Variants in TWIST2 observed in about 807,000 individuals in gnomAD.
TWIST2 encodes the protein twist-related protein 2.
Under a neutral mutation model 11.6 loss-of-function variants are expected in TWIST2, and 1 was observed. The observed-to-expected ratio is 0.09, with a 90% CI of 0.03 to 0.41. The LOEUF (loss-of-function observed/expected upper bound fraction) is 0.41. Among genes scored for constraint, TWIST2 ranks in the 10% least tolerant of loss-of-function variants. The pLI, the probability that TWIST2 is intolerant of heterozygous loss-of-function variation, is 0.98. For missense variants in TWIST2, 168 were observed against 226.4 expected (o/e 0.74, Z 1.66); for synonymous variants, 87 against 96.6 (o/e 0.90, Z 0.58).
intron 1 of TWIST2, among the ~76,000 whole-genome samples, chr2:238,900,546 A>G (rs1343647279): frequency 4.6e-5 from 7 of 152,248 alleles, no homozygotes; most frequent in African/African-American, 1.7e-4. Flanking sequence ...CTTTGGACAG[A>G]AGGCATTTCT....
intron 1 of TWIST2, among the ~76,000 whole-genome samples, chr2:238,899,626 A>G (rs1236960527): frequency 3.3e-5 from 5 of 152,212 alleles, no homozygotes; most frequent in African/African-American, 1.2e-4. Flanking sequence ...CTCTGTGCCC[A>G]TCCCGGCATG....
chr2:238,866,017 C>G lies in TWIST2; in HGVS notation c.*35+17284C>G, dbSNP rs1692524035. On this transcript the variant is annotated intron_variant, in intron 1 of 1. Coordinates refer to ENST00000612363, the MANE Select transcript of TWIST2 (RefSeq NM_001271893.4). This position sits in a 1 kb window ranked among gnomAD's most constrained non-coding sequence, Gnocchi z 4.9. ...GTGTGGTTAGCCTGGGGTACCTTTC[C>G]CAGTCACTGATCTGACTCCGTCGCT... Among the ~76,000 whole-genome samples the G allele has an allele frequency of 1.3e-5, 2 of 152,210 alleles. No individual in the cohort carries two copies.
chr2:238,862,242 T>C (rs942118893), intron 1 of TWIST2, among the ~76,000 whole-genome samples: 5 of 152,218 alleles, frequency 3.3e-5, no homozygotes, highest in Admixed American at 3.3e-4. Flanking sequence ...AAATAATAAC[T>C]CACTAAATTA....
intron 1 of TWIST2, among the ~76,000 whole-genome samples, chr2:238,904,555 G>A (rs1693319226): frequency 6.6e-6 from 1 of 151,888 alleles, no homozygotes; most frequent in Admixed American, 6.6e-5. Context: ...TGCCATGCTG[G>A]TTCTGACTGT....
chr2:238,888,906 ACCAATGACTGT>A (rs960305956), intron 1 of TWIST2, among the ~76,000 whole-genome samples: 2 of 152,208 alleles, frequency 1.3e-5, no homozygotes, highest in Non-Finnish European at 2.9e-5. Flanking sequence ...TGAGATTCCC[ACCAATGACTGT>A]CCAATGACTG....
At chr2:238,905,138 C>T (rs988771191) in intron 1 of TWIST2, among the ~76,000 whole-genome samples, 3 of 152,138 alleles carry the variant, frequency 2.0e-5, no homozygotes, top group Non-Finnish European at 2.9e-5. Flanking sequence ...CCTCCCTAGC[C>T]TTTTCCGTAA....
chr2:238,850,121 G>A (rs1263933299), intron 1 of TWIST2, among the ~76,000 whole-genome samples: 5 of 152,124 alleles, frequency 3.3e-5, no homozygotes. Context: ...CATTTTTTTA[G>A]CTTTTATTTT....
At chr2:238,877,582 CAA>C (rs1408309035) in intron 1 of TWIST2, among the ~76,000 whole-genome samples, 6 of 152,034 alleles carry the variant, frequency 3.9e-5, no homozygotes, top group Admixed American at 1.3e-4. Flanking sequence ...TTCACACAAA[CAA>C]AAATATTTAT....
chr2:238,896,176 G>A (rs965624083), intron 1 of TWIST2, among the ~76,000 whole-genome samples: 10 of 152,180 alleles, frequency 6.6e-5, no homozygotes, highest in Non-Finnish European at 1.5e-4. Context: ...TCCGGAAGAC[G>A]GCTCCGCAGT....
chr2:238,894,583 T>A (rs1490351798), intron 1 of TWIST2, among the ~76,000 whole-genome samples: 5 of 152,240 alleles, frequency 3.3e-5, no homozygotes. Context: ...ATGGTGTCTG[T>A]GGCCCCCCAA....
intron 1 of TWIST2, among the ~76,000 whole-genome samples, chr2:238,895,896 ACTC>A (rs1250363998): frequency 6.6e-6 from 1 of 151,582 alleles, no homozygotes; most frequent in Admixed American, 6.6e-5. Flanking sequence ...CCTTGGGCTG[ACTC>A]CTCCTTGCCA....
At chr2:238,898,049 T>C (rs1693225201) in intron 1 of TWIST2, among the ~76,000 whole-genome samples, 1 of 152,206 alleles carries the variant, frequency 6.6e-6, no homozygotes, top group African/African-American at 2.4e-5. Context: ...CAGGCCCTCC[T>C]GCCTGCCTGA....
At chr2:238,897,170 G>A in intron 1 of TWIST2, among the ~76,000 whole-genome samples, 1 of 152,200 alleles carries the variant, frequency 6.6e-6, no homozygotes, top group South Asian at 2.1e-4. Context: ...TTTGAAAGTC[G>A]CTGTCAGGGA....
Position 238,859,571 on chromosome 2 carries a change from A to T in TWIST2, c.*35+10838A>T, listed in dbSNP as rs1692393268. 1.6e-5 allele frequency among the ~76,000 whole-genome samples: 2 copies of T among 123,326 alleles called. 1 individual carries two copies. The highest frequency in any genetic ancestry group is 5.6e-4 in the South Asian group (2 of 3,554). The allele number at this position is 123,326 out of a possible 152,430, so 80.9% of individuals were successfully genotyped here. ...ATATTGTATGTATCTTACTACTATC[A>T]CCAAAAAAAAAAAAAATCCTACTTC... On this transcript the variant is annotated intron_variant, in intron 1 of 1. Coordinates refer to ENST00000612363, the MANE Select transcript of TWIST2 (RefSeq NM_001271893.4).
At chr2:238,874,119 A>G (rs544374270) in intron 1 of TWIST2, among the ~76,000 whole-genome samples, 2 of 152,266 alleles carry the variant, frequency 1.3e-5, no homozygotes, top group Admixed American at 6.5e-5. Flanking sequence ...TTGTCTGTCA[A>G]TGATGAGGGA....
intron 1 of TWIST2, among the ~76,000 whole-genome samples, chr2:238,869,737 A>G (rs1692612303): frequency 6.6e-6 from 1 of 152,206 alleles, no homozygotes; most frequent in African/African-American, 2.4e-5. Context: ...TGAGGCCAAG[A>G]GTTTGAGGCC....
chr2:238,856,253 C>G (rs1692327095), intron 1 of TWIST2, among the ~76,000 whole-genome samples: 1 of 152,208 alleles, frequency 6.6e-6, no homozygotes, highest in South Asian at 2.1e-4. Context: ...GGGCATTTTA[C>G]TGGGTGTTAA....
At chr2:238,901,358 T>A (rs1693267163) in intron 1 of TWIST2, among the ~76,000 whole-genome samples, 1 of 152,240 alleles carries the variant, frequency 6.6e-6, no homozygotes, top group African/African-American at 2.4e-5. Flanking sequence ...TTAAATTTTT[T>A]AAAACTTCTC....
intron 1 of TWIST2, among the ~76,000 whole-genome samples, chr2:238,899,860 G>C (rs2106372599): frequency 6.6e-6 from 1 of 152,278 alleles, no homozygotes; most frequent in East Asian, 1.9e-4. Context: ...TTTTATGAAG[G>C]ATGCTGGGTA....
Sources: allele counts gnomAD v4.1 joint callset (sites outside exome capture counted in the v4.1 genomes callset), GRCh38; gene constraint gnomAD v4.1.1; non-coding constraint Gnocchi (gnomAD v3.1); transcripts MANE v1.5; gene names NCBI Gene and HGNC (gene_info 2026-07-23, HGNC 2026-07-21).